C16orf87: variants seen among roughly 807,000 people sequenced by gnomAD.
C16orf87 encodes UPF0547 protein C16orf87.
A neutral mutation model predicts 21.0 loss-of-function variants in C16orf87; 13 were observed. The ratio of observed to expected loss-of-function variants is 0.62; its 90% CI spans 0.40 to 0.98. C16orf87 has a LOEUF of 0.98. Ranked by LOEUF, C16orf87 falls within the 50% of genes least tolerant of loss-of-function variation. The pLI, the probability that C16orf87 is intolerant of heterozygous loss-of-function variation, is 0.00. For synonymous variants in C16orf87, 49 were observed against 60.2 expected, an observed-to-expected ratio of 0.81 and a Z score of 0.86; for missense variants, 113 against 180.4, an observed-to-expected ratio of 0.63 and a Z score of 2.14.
Position 46,800,618 on chromosome 16 carries a change from T to TC in C16orf87, c.*2333dup, listed in dbSNP as rs929225028. The TC allele has an allele frequency of 9.9e-5, 15 of 152,210 alleles. No individual in the cohort carries two copies. Among genetic ancestry groups the TC allele is most frequent in the South Asian group, 4.1e-4 (2 of 4,834 alleles). The allele number at this position is 152,210 out of a possible 1,614,324, so 9.4% of individuals were successfully genotyped here. On this transcript the variant is annotated 3_prime_UTR_variant, in exon 4 of 4. Transcript: ENST00000285697. ...TGAATAATCATATCATTTATAGATA[T>TC]CAGAGCAGAACAAATTTTGGATTAA...
In C16orf87 at chr16:46,802,530, T is replaced by C. The variant is rs1230513641; in HGVS notation, c.*422A>G. On this transcript the variant is annotated 3_prime_UTR_variant, in exon 4 of 4. Coordinates refer to ENST00000285697, the MANE Select transcript of C16orf87 (RefSeq NM_001001436.4). The stretch of plus-strand genomic sequence containing the variant: ...CTGTTAGCACTGAAAATCTGAAATA[T>C]ATATTTTTAAAAATCACTCTTTCTG... 1 of 153,456 alleles carries C rather than the reference T, an allele frequency of 6.5e-6. No homozygotes were observed. The highest frequency in any genetic ancestry group is 1.5e-5 in the Non-Finnish European group (1 of 68,660). 9.5% of individuals were successfully genotyped at this position (153,456 alleles called of 1,614,324 possible).
rs1223438509 is a variant in C16orf87, at chr16:46,799,621, A to G, written c.*3331T>C. 1 of 152,226 alleles carries G rather than the reference A, an allele frequency of 6.6e-6. No individual in the cohort carries two copies. The highest frequency in any genetic ancestry group is 1.5e-5 in the Non-Finnish European group (1 of 68,046). 9.4% of individuals were successfully genotyped at this position (152,226 alleles called of 1,614,324 possible). ...ACAATTTGGCAGAATGACTACCTGT[A>G]TCTAGAGCATATTTTGAAAGTGGAA... On this transcript the variant is annotated 3_prime_UTR_variant, in exon 4 of 4. Coordinates refer to ENST00000285697, the MANE Select transcript of C16orf87 (RefSeq NM_001001436.4).
chr16:46,811,791 T>A (rs1217332363), intron 2 of C16orf87, among the ~76,000 whole-genome samples: 1 of 152,082 alleles, frequency 6.6e-6, no homozygotes, highest in East Asian at 1.9e-4. Flanking sequence ...AAAAAAGATA[T>A]AATCTAGCCA....
At position 46,799,807 on chromosome 16, in the gene C16orf87, A is replaced by T. The variant is rs1372486026; in HGVS notation, c.*3145T>A. 6.6e-6 allele frequency: 1 copy of T among 152,132 alleles called. No individual in the cohort carries two copies. The highest frequency in any genetic ancestry group is 2.4e-5 in the African/African-American group (1 of 41,394). The allele number at this position is 152,132 out of a possible 1,614,324, so 9.4% of individuals were successfully genotyped here. A position where few individuals can be genotyped will look rare whatever the true frequency, so the allele number is the denominator to read the frequency against. On this transcript the variant is annotated 3_prime_UTR_variant, in exon 4 of 4. Coordinates refer to ENST00000285697, the MANE Select transcript of C16orf87 (RefSeq NM_001001436.4). Reference sequence around the variant, plus strand: ...GTAGCTGGAAGCACCACACCCAGCTAATTTTACTTTTTGTAGAGACGCGGT... The same window carrying T: ...GTAGCTGGAAGCACCACACCCAGCTTATTTTACTTTTTGTAGAGACGCGGT...
chr16:46,829,123 GC>G (rs2143186166), intron 1 of C16orf87, among the ~76,000 whole-genome samples: 1 of 152,190 alleles, frequency 6.6e-6, no homozygotes, highest in East Asian at 1.9e-4. Context: ...TGAGGGTGGG[GC>G]CCTCATGATG....
At chr16:46,805,524 T>C (rs572864260) in intron 3 of C16orf87, among the ~76,000 whole-genome samples, 35 of 152,322 alleles carry the variant, frequency 2.3e-4, no homozygotes, top group Non-Finnish European at 5.0e-4. Flanking sequence ...AAGATATTAA[T>C]AGTAGTTTAT....
chr16:46,804,627 C>CAT, intron 3 of C16orf87, among the ~76,000 whole-genome samples: 1 of 152,258 alleles, frequency 6.6e-6, no homozygotes, highest in South Asian at 2.1e-4. Flanking sequence ...GATAAATTTA[C>CAT]ATATAGTGAA....
At position 46,824,433 on chromosome 16, in the gene C16orf87, C is replaced by G; in HGVS notation, c.116G>C (p.Arg39Thr). Residue 39 changes from arginine to threonine, a missense_variant, in exon 2 of 4, where the codon AGA becomes ACA. By Grantham distance (71) the Arg-to-Thr change is moderately conservative. Transcript: ENST00000285697. ...SCPCGYIFIS[R>T]KLLNAKHSEK... ...TGAGTGTTTTGCATTTAAAAGTTTT[C>G]TGCTAATAAATATGTAACCACAAGG... 1 of 1,587,768 alleles carries G rather than the reference C, an allele frequency of 6.3e-7. No individual in the cohort carries two copies. Among genetic ancestry groups the G allele is most frequent in the Non-Finnish European group, 8.6e-7 (1 of 1,163,244 alleles).
rs1270628325 is a variant in C16orf87, at chr16:46,797,470, C to G, written c.*5482G>C. 1 of 152,542 alleles carries G rather than the reference C, an allele frequency of 6.6e-6. No individual in the cohort carries two copies. Among genetic ancestry groups the G allele is most frequent in the Non-Finnish European group, 1.5e-5 (1 of 68,332 alleles). 9.4% of individuals were successfully genotyped at this position (152,542 alleles called of 1,614,324 possible). ...TCAAGTAATCCTCCCACTTCAGCCT[C>G]CTGAGTAGCTGGGACTACAGGAACA... is the stretch of plus-strand genomic sequence containing the variant. On this transcript the variant is annotated 3_prime_UTR_variant, in exon 4 of 4. Transcript: ENST00000285697.
At chr16:46,807,070 C>T (rs577894100) in intron 3 of C16orf87, among the ~76,000 whole-genome samples, 3 of 152,264 alleles carry the variant, frequency 2.0e-5, no homozygotes, top group South Asian at 2.1e-4. Flanking sequence ...AAAGTAAAAC[C>T]GCAATTACTT....
intron 2 of C16orf87, among the ~76,000 whole-genome samples, chr16:46,816,717 T>C (rs1028320506): frequency 3.3e-5 from 5 of 152,208 alleles, no homozygotes; most frequent in African/African-American, 1.2e-4. Context: ...GAGGACAATA[T>C]GCCTAAAATA....
Position 46,802,790 on chromosome 16 carries a change from C to T in C16orf87, c.*162G>A, listed in dbSNP as rs1358262351. The stretch of plus-strand genomic sequence containing the variant: ...AATCCCAGAACAGTCCAAGCCTACA[C>T]AGCTTTGCTCCCGAAGTGTGGCACA... On this transcript the variant is annotated 3_prime_UTR_variant, in exon 4 of 4. Coordinates refer to ENST00000285697, the MANE Select transcript of C16orf87 (RefSeq NM_001001436.4). The T allele has an allele frequency of 1.8e-6, 1 of 561,840 alleles. No homozygotes were observed. Among genetic ancestry groups the T allele is most frequent in the African/African-American group, 1.9e-5 (1 of 52,330 alleles). 34.8% of individuals were successfully genotyped at this position (561,840 alleles called of 1,614,324 possible).
At chr16:46,820,810 T>TC (rs1024062600) in intron 2 of C16orf87, among the ~76,000 whole-genome samples, 8 of 152,272 alleles carry the variant, frequency 5.3e-5, no homozygotes, top group African/African-American at 1.9e-4. Flanking sequence ...CAACTAATGC[T>TC]CCCACCAACA....
chr16:46,818,483 A>G (rs191380136), intron 2 of C16orf87, among the ~76,000 whole-genome samples: 259 of 152,202 alleles, frequency 1.7e-3, no homozygotes, highest in Non-Finnish European at 2.9e-3. Flanking sequence ...TTATTTGACT[A>G]TGCTTACTCT....
At position 46,800,861 on chromosome 16, in the gene C16orf87, A is replaced by T. The variant is rs1469462628; in HGVS notation, c.*2091T>A. The T allele has an allele frequency of 6.6e-6, 1 of 152,212 alleles. No homozygotes were observed. Among genetic ancestry groups the T allele is most frequent in the Non-Finnish European group, 1.5e-5 (1 of 68,024 alleles). The allele number at this position is 152,212 out of a possible 1,614,324, so 9.4% of individuals were successfully genotyped here. ...ACCTAATTTGCCTCTCTGCCACGGAAATTTTTAAATAAGCCAATAATTTAA... is the reference window on the plus strand; with the variant it reads ...ACCTAATTTGCCTCTCTGCCACGGATATTTTTAAATAAGCCAATAATTTAA... On this transcript the variant is annotated 3_prime_UTR_variant, in exon 4 of 4. Coordinates refer to ENST00000285697, the MANE Select transcript of C16orf87 (RefSeq NM_001001436.4).
intron 2 of C16orf87, among the ~76,000 whole-genome samples, chr16:46,813,362 C>T (rs978758075): frequency 6.6e-5 from 10 of 151,930 alleles, no homozygotes; most frequent in African/African-American, 2.4e-4. Flanking sequence ...CCTGTACCAT[C>T]GCTAAGGTCC....
chr16:46,814,763 T>G (rs922190006), intron 2 of C16orf87, among the ~76,000 whole-genome samples: 1 of 152,148 alleles, frequency 6.6e-6, no homozygotes, highest in South Asian at 2.1e-4. Context: ...AGAACAAAGA[T>G]AGTTCAACAA....
At position 46,797,108 on chromosome 16, in the gene C16orf87, T is replaced by A. The variant is rs922936467; in HGVS notation, c.*5844A>T. On this transcript the variant is annotated 3_prime_UTR_variant, in exon 4 of 4. Coordinates refer to ENST00000285697, the MANE Select transcript of C16orf87 (RefSeq NM_001001436.4). ...ATATCTTTCATGAATTAAGGCAAAA[T>A]AAAGACATTCTCAGATGAAGAAAAA... 1.3e-5 allele frequency: 2 copies of A among 152,022 alleles called. No homozygotes were observed. Among genetic ancestry groups the A allele is most frequent in the Non-Finnish European group, 2.9e-5 (2 of 67,982 alleles). 9.4% of individuals were successfully genotyped at this position (152,022 alleles called of 1,614,324 possible).
At chr16:46,813,947 C>G (rs1968170936) in intron 2 of C16orf87, among the ~76,000 whole-genome samples, 1 of 152,116 alleles carries the variant, frequency 6.6e-6, no homozygotes, top group Non-Finnish European at 1.5e-5. Flanking sequence ...TTTGCAGAAC[C>G]CAGAACATTA....
Sources: gnomAD v4.1 joint callset for allele counts (sites outside exome capture counted in the v4.1 genomes callset) on GRCh38, gnomAD v4.1.1 for gene constraint, MANE v1.5 for transcripts, NCBI Gene and HGNC (gene_info 2026-07-23, HGNC 2026-07-21) for gene names.